ANKS1B: variants seen among roughly 807,000 people sequenced by gnomAD.
The protein encoded by ANKS1B is ankyrin repeat and sterile alpha motif domain-containing protein 1B.
A neutral mutation model predicts 148.3 loss-of-function variants in ANKS1B; 36 were observed. That is an observed-to-expected ratio of 0.24 (90% CI 0.19 to 0.32). ANKS1B has a LOEUF of 0.32. ANKS1B is among the 10% of genes least tolerant of loss of function. ANKS1B has a pLI of 1.00. For missense variants in ANKS1B, 1,157 were observed against 1,542.6 expected, an observed-to-expected ratio of 0.75 and a Z score of 4.19; for synonymous variants, 542 against 560.8, an observed-to-expected ratio of 0.97 and a Z score of 0.47.
chr12:99,787,480 G>A (rs1274704350), intron 4 of ANKS1B, among the ~76,000 whole-genome samples: 1 of 152,106 alleles, frequency 6.6e-6, no homozygotes. Flanking sequence ...TTTATTAGGA[G>A]ACATACTAAT....
chr12:99,380,754 C>CTCCTCCTTCCTTCCT (rs2093606555), intron 12 of ANKS1B, among the ~76,000 whole-genome samples: 1 of 132,728 alleles, frequency 7.5e-6, no homozygotes, highest in African/African-American at 3.0e-5. Flanking sequence ...GTTTCCTTTC[C>CTCCTCCTTCCTTCCT]TCCTTCCTTC....
In ANKS1B at chr12:98,887,888, C is replaced by A. The variant is rs554567822; in HGVS notation, c.2779-55752G>T. Among the ~76,000 whole-genome samples, 3 of 152,172 alleles carry A rather than the reference C, an allele frequency of 2.0e-5. No individual in the cohort carries two copies. In the South Asian group the frequency reaches 6.2e-4, roughly 32 times the overall value. ...TCAGCCTCCCAAAGTGCTAGGATTACGGGCATGATCCACCAATAAAATAAA... is the reference window on the plus strand; with the variant it reads ...TCAGCCTCCCAAAGTGCTAGGATTAAGGGCATGATCCACCAATAAAATAAA... On this transcript the variant is annotated intron_variant, in intron 17 of 26. Transcript: ENST00000683438.
chr12:99,881,808 T>C (rs2092519485), intron 1 of ANKS1B, among the ~76,000 whole-genome samples: 1 of 152,180 alleles, frequency 6.6e-6, no homozygotes, highest in African/African-American at 2.4e-5. Flanking sequence ...GTTGATTGCA[T>C]GCTAAAATAA....
At chr12:99,654,449 ATC>A (rs1471458343) in intron 9 of ANKS1B, among the ~76,000 whole-genome samples, 2 of 152,160 alleles carry the variant, frequency 1.3e-5, no homozygotes, top group African/African-American at 2.4e-5. Flanking sequence ...CAAATTTCCT[ATC>A]TCTGGAATAT....
chr12:99,042,646 T>C (rs1727091658), intron 17 of ANKS1B, among the ~76,000 whole-genome samples: 1 of 152,208 alleles, frequency 6.6e-6, no homozygotes, highest in South Asian at 2.1e-4. Context: ...TGCCCCTCCA[T>C]TTGCCCTCCT....
At chr12:98,854,537 G>C (rs1329776086) in intron 17 of ANKS1B, among the ~76,000 whole-genome samples, 1 of 152,226 alleles carries the variant, frequency 6.6e-6, no homozygotes, top group African/African-American at 2.4e-5. Context: ...AGTTCAGGGA[G>C]GTTATGCAAG....
chr12:99,971,848 CTG>C (rs1426182196), intron 1 of ANKS1B, among the ~76,000 whole-genome samples: 2 of 152,266 alleles, frequency 1.3e-5, no homozygotes, highest in Non-Finnish European at 2.9e-5. Flanking sequence ...TCTCTGTCAC[CTG>C]TGATATAATA....
chr12:98,804,702 AC>A (rs2099036108), intron 20 of ANKS1B, among the ~76,000 whole-genome samples: 1 of 152,182 alleles, frequency 6.6e-6, no homozygotes, highest in South Asian at 2.1e-4. Context: ...TGGAGGAATT[AC>A]GTAGAGTAGT....
intron 2 of ANKS1B, among the ~76,000 whole-genome samples, 168 bp from the exon 3 acceptor site, chr12:99,812,479 A>G (rs552491213): frequency 1.3e-5 from 2 of 148,720 alleles, no homozygotes; most frequent in Middle Eastern, 3.2e-3. Context: ...ACATTTGGCT[A>G]TTTTACTTAC....
At chr12:99,847,545 C>A (rs550695048) in intron 1 of ANKS1B, among the ~76,000 whole-genome samples, 1 of 152,184 alleles carries the variant, frequency 6.6e-6, no homozygotes, top group Non-Finnish European at 1.5e-5. Context: ...AGAACCTCAA[C>A]TGACAGGCCT....
At chr12:99,846,018 A>T (rs2086614503) in intron 1 of ANKS1B, among the ~76,000 whole-genome samples, 1 of 152,108 alleles carries the variant, frequency 6.6e-6, no homozygotes, top group Non-Finnish European at 1.5e-5. Context: ...TTTACCTTGA[A>T]TTATGCCTTG....
At chr12:98,963,409 C>T (rs1044204351) in intron 17 of ANKS1B, among the ~76,000 whole-genome samples, 1 of 152,110 alleles carries the variant, frequency 6.6e-6, no homozygotes, top group Non-Finnish European at 1.5e-5. Flanking sequence ...AACTCCTGGT[C>T]TCAAGTGAGC....
rs966665488 is a variant in ANKS1B at position 99,736,951 on chromosome 12, C to A, written c.1128+35971G>T. Among the ~76,000 whole-genome samples, 4 of 152,056 alleles carry A rather than the reference C, an allele frequency of 2.6e-5. No homozygotes were observed. In the South Asian group the frequency reaches 8.3e-4, roughly 32 times the overall value. ...CCAGGGATATGGAAAATGTCAACATCACTAATCATCAGGGAAATGTATATT... is the reference window on the plus strand; with the variant it reads ...CCAGGGATATGGAAAATGTCAACATAACTAATCATCAGGGAAATGTATATT... On this transcript the variant is annotated intron_variant, in intron 8 of 26. Transcript: ENST00000683438.
At chr12:99,799,739 T>A (rs2066713122) in intron 4 of ANKS1B, among the ~76,000 whole-genome samples, 1 of 151,954 alleles carries the variant, frequency 6.6e-6, no homozygotes, top group Non-Finnish European at 1.5e-5. Context: ...GGGAAGAAAG[T>A]CATGAGGGTT....
At chr12:99,519,463 T>C (rs912062392) in intron 9 of ANKS1B, among the ~76,000 whole-genome samples, 5 of 152,168 alleles carry the variant, frequency 3.3e-5, no homozygotes. Context: ...CCTTTTATCA[T>C]TATATAACGA....
chr12:99,521,578 CT>C (rs1013969316), intron 9 of ANKS1B, among the ~76,000 whole-genome samples: 1 of 152,154 alleles, frequency 6.6e-6, no homozygotes, highest in Admixed American at 6.5e-5. Context: ...TCTAAGCCCC[CT>C]AATGCTGTGG....
intron 12 of ANKS1B, among the ~76,000 whole-genome samples, chr12:99,309,980 T>G (rs1054248766): frequency 3.3e-5 from 5 of 152,144 alleles, no homozygotes; most frequent in Non-Finnish European, 7.4e-5. Context: ...TGAAAATTCC[T>G]TATGTGGATC....
intron 17 of ANKS1B, among the ~76,000 whole-genome samples, chr12:98,956,858 C>G (rs1403505): frequency 0.27 from 40,342 of 151,972 alleles, 6,033 homozygotes; most frequent in African/African-American, 0.4. Flanking sequence ...AACCCCCTGC[C>G]TTGAATTTAC....
chr12:99,657,132 T>C (rs1174981230), intron 8 of ANKS1B, among the ~76,000 whole-genome samples: 2 of 152,176 alleles, frequency 1.3e-5, no homozygotes, highest in African/African-American at 4.8e-5. Flanking sequence ...CACTGGCCTA[T>C]TGTCTGTTAA....
Sources: allele counts gnomAD v4.1 joint callset (sites outside exome capture counted in the v4.1 genomes callset), GRCh38; gene constraint gnomAD v4.1.1; transcripts MANE v1.5; gene names NCBI Gene and HGNC (gene_info 2026-07-23, HGNC 2026-07-21).